The following KLHL4 variants were observed in gnomAD, a reference collection of about 807,000 sequenced individuals.
KLHL4 encodes the protein kelch like family member 4.
KLHL4 carries 17 observed loss-of-function variants against 45.8 expected under a neutral mutation model. That is an observed-to-expected ratio of 0.37 (90% CI 0.25 to 0.56). The LOEUF (loss-of-function observed/expected upper bound fraction) is 0.56, where lower values mean the gene tolerates loss of function less well. KLHL4 is among the 20% of genes least tolerant of loss of function. The pLI, the probability that KLHL4 is intolerant of heterozygous loss-of-function variation, is 0.79. For synonymous variants in KLHL4, 224 were observed against 189.9 expected (o/e 1.18, Z -1.47); for missense variants, 544 against 544.9 (o/e 1.00, Z 0.02).
chrX:87,622,379 G>A lies in KLHL4; in HGVS notation c.1093G>A (p.Gly365Arg), dbSNP rs2147818372. 1 of 1,206,637 alleles carries A rather than the reference G, an allele frequency of 8.3e-7. No homozygotes were observed. The highest frequency in any genetic ancestry group is 1.1e-6 in the Non-Finnish European group (1 of 892,415). Residue 365 changes from glycine to arginine, a missense_variant, in exon 5 of 11, where the codon GGG (glycine) becomes AGG (arginine). Transcript: ENST00000373119. Reference sequence around the variant, plus strand: ...TGTGCAGAATAGGCAAGGAGAACTGGGGATGCTGCTTTCTTACATCAGACT... The same window carrying A: ...TGTGCAGAATAGGCAAGGAGAACTGAGGATGCTGCTTTCTTACATCAGACT... The part of the protein sequence containing the change: ...HDVQNRQGEL[G>R]MLLSYIRLPL...
At chrX:87,652,003 G>T (rs992312687) in intron 9 of KLHL4, among the ~76,000 whole-genome samples, 3 of 112,399 alleles carry the variant, frequency 2.7e-5, no homozygotes, top group Non-Finnish European at 3.8e-5. Context: ...CTGAAATCTA[G>T]ACAGAGGTTC....
intron 1 of KLHL4, among the ~76,000 whole-genome samples, chrX:87,590,730 T>C (rs1338363932): frequency 8.9e-6 from 1 of 111,779 alleles, no homozygotes. Flanking sequence ...CAAGAATACA[T>C]AATGAGAAAA....
intron 1 of KLHL4, among the ~76,000 whole-genome samples, chrX:87,541,080 T>C (rs1213302652): frequency 2.7e-5 from 3 of 110,678 alleles, no homozygotes; most frequent in Non-Finnish European, 5.7e-5. Flanking sequence ...GGAATTGTAA[T>C]CCCCATGTGT....
intron 1 of KLHL4, among the ~76,000 whole-genome samples, chrX:87,583,217 T>C (rs941805782): frequency 3.6e-5 from 4 of 111,813 alleles, no homozygotes; most frequent in African/African-American, 1.3e-4. Flanking sequence ...GAGCACTGAT[T>C]AATGTGTTTT....
chrX:87,528,229 C>G (rs766626945), intron 1 of KLHL4, among the ~76,000 whole-genome samples: 4 of 110,974 alleles, frequency 3.6e-5, no homozygotes, highest in Non-Finnish European at 7.6e-5. Flanking sequence ...AATTTTGGAG[C>G]TGAAGAATTT....
At position 87,635,559 on chromosome X, in the gene KLHL4, C is replaced by T. The variant is rs370327208; in HGVS notation, c.1713-4C>T. 17 of 1,197,808 alleles carry T rather than the reference C, an allele frequency of 1.4e-5. No individual in the cohort carries two copies. Among genetic ancestry groups the T allele is most frequent in the Non-Finnish European group, 1.8e-5 (16 of 883,993 alleles). On this transcript the variant is annotated splice_region_variant and splice_polypyrimidine_tract_variant and intron_variant, in intron 8 of 10. Transcript: ENST00000373119. ...CATACACACAATTCTGTCTTTTTATCTAGATTATATGCTATTGGTGGACGT... is the reference window on the plus strand; with the variant it reads ...CATACACACAATTCTGTCTTTTTATTTAGATTATATGCTATTGGTGGACGT...
intron 9 of KLHL4, among the ~76,000 whole-genome samples, chrX:87,659,671 T>C (rs1924121251): frequency 8.9e-6 from 1 of 112,053 alleles, no homozygotes; most frequent in African/African-American, 3.2e-5. Flanking sequence ...GTAAGTAAGA[T>C]CTTTATATTT....
intron 1 of KLHL4, among the ~76,000 whole-genome samples, chrX:87,604,412 A>G (rs1447928651): frequency 9.0e-6 from 1 of 111,209 alleles, no homozygotes; most frequent in East Asian, 2.8e-4. Context: ...CAACAAACTC[A>G]CCAAGACTTT....
chrX:87,579,980 A>G (rs1475471679), intron 1 of KLHL4, among the ~76,000 whole-genome samples: 1 of 112,309 alleles, frequency 8.9e-6, no homozygotes, highest in African/African-American at 3.2e-5. Flanking sequence ...TTAGTATAAC[A>G]TTAATTAAAA....
At chrX:87,533,634 G>C (rs1437944835) in intron 1 of KLHL4, among the ~76,000 whole-genome samples, 1 of 108,194 alleles carries the variant, frequency 9.2e-6, no homozygotes, top group African/African-American at 3.4e-5. Context: ...CAGCACAGCA[G>C]CATGGCACAT....
intron 1 of KLHL4, among the ~76,000 whole-genome samples, chrX:87,582,202 G>GA (rs1363766328): frequency 9.0e-6 from 1 of 111,516 alleles, no homozygotes; most frequent in Non-Finnish European, 1.9e-5. Context: ...TATCTACATA[G>GA]AAAAAACACC....
chrX:87,549,343 A>G (rs1044034173), intron 1 of KLHL4, among the ~76,000 whole-genome samples: 3 of 111,354 alleles, frequency 2.7e-5, no homozygotes, highest in South Asian at 7.4e-4. Context: ...TCAGCACCCA[A>G]TGTTCAGCAT....
In KLHL4 at chrX:87,518,005, C is replaced by A; in HGVS notation, c.112C>A (p.Gln38Lys). 8.3e-7 allele frequency: 1 copy of A among 1,211,237 alleles called. No individual in the cohort carries two copies. Among genetic ancestry groups the A allele is most frequent in the Non-Finnish European group, 1.1e-6 (1 of 895,344 alleles). The change falls in exon 1 of 11, where the codon CAG (glutamine) becomes AAG (lysine). Residue 38 changes from glutamine (Q) to lysine (K), a missense_variant. Physicochemically the swap from Gln to Lys is moderately conservative, Grantham distance 53 (BLOSUM62 1). Coordinates refer to ENST00000373119, the MANE Select transcript of KLHL4 (RefSeq NM_019117.5). ...CACCAACACTGGAAGCTGTCTTCAG[C>A]AGGAAGGATATGAGCATAGAGGGAC... The part of the protein sequence containing the change: ...GSTNTGSCLQ[Q>K]EGYEHRGTPV...
chrX:87,591,226 T>G (rs1054050210), intron 1 of KLHL4, among the ~76,000 whole-genome samples: 1 of 111,960 alleles, frequency 8.9e-6, no homozygotes, highest in African/African-American at 3.2e-5. Context: ...CCTGATTAGT[T>G]TCCCAACATT....
chrX:87,531,272 T>G (rs1000401087), intron 1 of KLHL4, among the ~76,000 whole-genome samples: 1 of 110,829 alleles, frequency 9.0e-6, no homozygotes, highest in African/African-American at 3.3e-5. Context: ...TTAGTTTAAT[T>G]AGATCCCATT....
chrX:87,532,840 C>G (rs1180621289), intron 1 of KLHL4, among the ~76,000 whole-genome samples: 1 of 111,098 alleles, frequency 9.0e-6, no homozygotes, highest in Non-Finnish European at 1.9e-5. Context: ...CTACAATGAA[C>G]TCAAACAAAT....
At position 87,614,373 on chromosome X, in the gene KLHL4, T is replaced by G. The variant is rs993400793; in HGVS notation, c.591-61T>G. On this transcript the variant is annotated intron_variant, in intron 2 of 10. Coordinates refer to ENST00000373119, the MANE Select transcript of KLHL4 (RefSeq NM_019117.5). ...GTGTTACAAACTTGCTGAATCCATT[T>G]CATGCTTTTCAGTGAAATTATTGAC... 2.8e-6 allele frequency: 3 copies of G among 1,086,439 alleles called. No homozygotes were observed. In the East Asian group the frequency reaches 9.1e-5, roughly 33 times the overall value. The allele number at this position is 1,086,439 out of a possible 1,213,427, so 89.5% of individuals were successfully genotyped here. A position where few individuals can be genotyped will look rare whatever the true frequency, so the allele number is the denominator to read the frequency against.
chrX:87,583,879 C>T (rs1479298757), intron 1 of KLHL4, among the ~76,000 whole-genome samples: 1 of 111,351 alleles, frequency 9.0e-6, no homozygotes, highest in East Asian at 2.8e-4. Flanking sequence ...GCTCTTAAGC[C>T]AGTGAATTTT....
At chrX:87,643,181 C>T (rs1057354228) in intron 9 of KLHL4, among the ~76,000 whole-genome samples, 1 of 111,098 alleles carries the variant, frequency 9.0e-6, no homozygotes, top group African/African-American at 3.3e-5. Context: ...CAAGATTAAC[C>T]AAGAAAAGAA....
Sources: allele counts gnomAD v4.1 joint callset (sites outside exome capture counted in the v4.1 genomes callset), GRCh38; gene constraint gnomAD v4.1.1; transcripts MANE v1.5; gene names NCBI Gene and HGNC (gene_info 2026-07-23, HGNC 2026-07-21).